Variants in CNKSR2 observed in about 807,000 individuals in gnomAD.
The protein encoded by CNKSR2 is CNK homolog protein 2.
A neutral mutation model predicts 84.4 loss-of-function variants in CNKSR2; 14 were observed. That is an observed-to-expected ratio of 0.17 (90% CI 0.11 to 0.26). The LOEUF (loss-of-function observed/expected upper bound fraction) is 0.26. CNKSR2 is among the 10% of genes least tolerant of loss of function. The probability of loss-of-function intolerance (pLI) is 1.00; values close to 1 mark genes in which losing one functional copy is unlikely to be tolerated. For synonymous variants in CNKSR2, 275 were observed against 277.9 expected, an observed-to-expected ratio of 0.99 and a Z score of 0.10; for missense variants, 485 against 771.2, an observed-to-expected ratio of 0.63 and a Z score of 4.40.
At chrX:21,426,307 G>A in intron 1 of CNKSR2, 190 bp from the exon 2 acceptor site, 1 of 404,215 alleles carries the variant, frequency 2.5e-6, no homozygotes, top group South Asian at 4.4e-5. Context: ...CTACGAGTAT[G>A]ATGAAGTGAT....
intron 13 of CNKSR2, among the ~76,000 whole-genome samples, chrX:21,580,539 T>TA (rs2092347019): frequency 8.9e-6 from 1 of 111,906 alleles, no homozygotes; most frequent in Non-Finnish European, 1.9e-5. Context: ...AAAATAAAGT[T>TA]AAAGTAATCA....
At chrX:21,439,938 T>C (rs2090761502) in intron 3 of CNKSR2, among the ~76,000 whole-genome samples, 1 of 109,695 alleles carries the variant, frequency 9.1e-6, no homozygotes, top group South Asian at 3.9e-4. Flanking sequence ...TATCCTGATA[T>C]ACCCCTCCCC....
At chrX:21,403,694 A>G (rs977576370) in intron 1 of CNKSR2, among the ~76,000 whole-genome samples, 2 of 112,087 alleles carry the variant, frequency 1.8e-5, no homozygotes, top group Non-Finnish European at 3.8e-5. Context: ...TCATTATGCC[A>G]GCATGTATTA....
intron 4 of CNKSR2, among the ~76,000 whole-genome samples, chrX:21,450,474 G>A (rs1678750027): frequency 9.0e-6 from 1 of 111,436 alleles, no homozygotes; most frequent in African/African-American, 3.3e-5. Flanking sequence ...ACAAGAAAAT[G>A]CAATCTAAAT....
chrX:21,560,622 G>A (rs1009496958), intron 11 of CNKSR2, among the ~76,000 whole-genome samples: 1 of 111,190 alleles, frequency 9.0e-6, no homozygotes, highest in East Asian at 2.8e-4. Context: ...TTTATTAAGC[G>A]ACTATTTCAT....
At chrX:21,596,659 CAT>C (rs1363980263) in intron 17 of CNKSR2, among the ~76,000 whole-genome samples, 2 of 107,998 alleles carry the variant, frequency 1.9e-5, no homozygotes, top group African/African-American at 3.4e-5. Context: ...GGAATACAAA[CAT>C]GTTTTTTTTT....
chrX:21,516,314 T>C (rs755622241), intron 8 of CNKSR2, among the ~76,000 whole-genome samples, 171 bp from the exon 9 acceptor site: 11 of 111,498 alleles, frequency 9.9e-5, no homozygotes, highest in Non-Finnish European at 1.9e-4. Context: ...TGCAATAATA[T>C]GGTTAATCAA....
At chrX:21,631,499 G>A (rs1198810976) in intron 20 of CNKSR2, among the ~76,000 whole-genome samples, 2 of 111,630 alleles carry the variant, frequency 1.8e-5, no homozygotes, top group Non-Finnish European at 3.8e-5. Context: ...ATCATTTGGT[G>A]GAGATATAAA....
At chrX:21,611,614 A>G (rs926833445) in intron 20 of CNKSR2, among the ~76,000 whole-genome samples, 3 of 111,984 alleles carry the variant, frequency 2.7e-5, no homozygotes, top group Non-Finnish European at 5.6e-5. Flanking sequence ...CTTCTAGATT[A>G]TCTTTTTTGT....
chrX:21,465,807 C>T (rs1283699049), intron 4 of CNKSR2, among the ~76,000 whole-genome samples: 1 of 111,349 alleles, frequency 9.0e-6, no homozygotes, highest in Non-Finnish European at 1.9e-5. Context: ...ACCCACCAGG[C>T]GCTTAAAACT....
intron 20 of CNKSR2, among the ~76,000 whole-genome samples, chrX:21,614,522 A>T (rs1294237343): frequency 9.0e-6 from 1 of 111,399 alleles, no homozygotes; most frequent in Non-Finnish European, 1.9e-5. Context: ...GAGAACCTTA[A>T]CTATATCACT....
At chrX:21,509,069 G>C (rs1042339221) in intron 8 of CNKSR2, among the ~76,000 whole-genome samples, 3 of 111,775 alleles carry the variant, frequency 2.7e-5, no homozygotes, top group African/African-American at 9.7e-5. Flanking sequence ...TATGTTCTCT[G>C]TTAGTGCTTT....
intron 13 of CNKSR2, 28 bp from the exon 14 acceptor site, chrX:21,590,544 A>AT (rs1232787897): frequency 8.4e-7 from 1 of 1,196,088 alleles, no homozygotes; most frequent in Admixed American, 2.2e-5. Flanking sequence ...TGAGTATCAG[A>AT]TAACATTCTT....
chrX:21,511,392 A>G (rs1279102794), intron 8 of CNKSR2, among the ~76,000 whole-genome samples: 1 of 111,163 alleles, frequency 9.0e-6, no homozygotes, highest in Non-Finnish European at 1.9e-5. Context: ...TCTTGGTTTT[A>G]TGTACAAAAC....
At chrX:21,617,919 AC>A (rs1485020332) in intron 20 of CNKSR2, among the ~76,000 whole-genome samples, 1 of 64,379 alleles carries the variant, frequency 1.6e-5, no homozygotes, top group African/African-American at 6.6e-5. Flanking sequence ...ACACCCCCCC[AC>A]ACACACACCC....
intron 18 of CNKSR2, among the ~76,000 whole-genome samples, chrX:21,605,316 GA>G (rs777692656): frequency 3.6e-5 from 4 of 110,855 alleles, no homozygotes; most frequent in African/African-American, 1.3e-4. Flanking sequence ...TGAACCAATG[GA>G]AAAAAAACAG....
intron 4 of CNKSR2, among the ~76,000 whole-genome samples, chrX:21,459,890 T>TA: frequency 8.9e-6 from 1 of 111,947 alleles, no homozygotes; most frequent in Middle Eastern, 4.6e-3. Context: ...AACTGATTTT[T>TA]AAAGCTTCTT....
At chrX:21,417,526 T>C (rs1023746422) in intron 1 of CNKSR2, among the ~76,000 whole-genome samples, 8 of 111,869 alleles carry the variant, frequency 7.2e-5, no homozygotes, top group African/African-American at 2.6e-4. Flanking sequence ...AGTCTCCAGC[T>C]ATTATTATAT....
intron 20 of CNKSR2, among the ~76,000 whole-genome samples, chrX:21,627,839 C>G (rs1278202294): frequency 9.0e-6 from 1 of 111,115 alleles, no homozygotes; most frequent in Non-Finnish European, 1.9e-5. Flanking sequence ...TATTCCACCC[C>G]TGGCCCCTCC....
Sources: allele counts gnomAD v4.1 joint callset (sites outside exome capture counted in the v4.1 genomes callset), GRCh38; gene constraint gnomAD v4.1.1; transcripts MANE v1.5; gene names NCBI Gene and HGNC (gene_info 2026-07-23, HGNC 2026-07-21).